ERI1: variants seen among roughly 807,000 people sequenced by gnomAD.
The protein encoded by ERI1 is 3'-5' exoribonuclease 1.
ERI1 carries 39 observed loss-of-function variants against 39.7 expected under a neutral mutation model. The ratio of observed to expected loss-of-function variants is 0.98; its 90% CI spans 0.76 to 1.28. The LOEUF (loss-of-function observed/expected upper bound fraction) is 1.28, where lower values mean the gene tolerates loss of function less well. ERI1 is among the 50% of genes most tolerant of loss of function. ERI1 has a pLI of 0.00. For synonymous variants in ERI1, 204 were observed against 149.6 expected (o/e 1.36, Z -2.65); for missense variants, 581 against 416.9 (o/e 1.39, Z -3.43).
chr8:9,069,180 C>G (rs569063165), intron 3 of ERI1, among the ~76,000 whole-genome samples: 1 of 152,260 alleles, frequency 6.6e-6, no homozygotes, highest in East Asian at 1.9e-4. Context: ...CATCTTGATC[C>G]ATATTCTCAG....
chr8:9,089,142 C>T (rs34762233), intron 3 of ERI1, among the ~76,000 whole-genome samples: 42,921 of 152,164 alleles, frequency 0.28, 6,572 homozygotes, highest in Non-Finnish European at 0.34. Flanking sequence ...CTTCACTCTC[C>T]TCTTTCCTTT....
rs568538162 is a variant in ERI1, at chr8:9,031,481, A to C, written c.*1447A>C. 2 of 152,328 alleles carry C rather than the reference A, an allele frequency of 1.3e-5. No homozygotes were observed. Among genetic ancestry groups the C allele is most frequent in the Non-Finnish European group, 2.9e-5 (2 of 68,024 alleles). 9.4% of individuals were successfully genotyped at this position (152,328 alleles called of 1,614,324 possible). A position where few individuals can be genotyped will look rare whatever the true frequency, so the allele number is the denominator to read the frequency against. On this transcript the variant is annotated 3_prime_UTR_variant, in exon 7 of 7. Transcript: ENST00000250263. The stretch of plus-strand genomic sequence containing the variant: ...AAAATAAGGAAATCTAAGTGCTTTA[A>C]GTTTATACAGTTAACTCTTAGGATA...
intron 3 of ERI1, among the ~76,000 whole-genome samples, chr8:9,080,337 A>C (rs1279995399): frequency 6.6e-6 from 1 of 152,166 alleles, no homozygotes; most frequent in Non-Finnish European, 1.5e-5. Context: ...AGTGTCTAGG[A>C]GCCTCTGTTG....
At chr8:9,039,087 A>G (rs1355422601) in intron 3 of ERI1, among the ~76,000 whole-genome samples, 1 of 152,242 alleles carries the variant, frequency 6.6e-6, no homozygotes, top group African/African-American at 2.4e-5. Context: ...ACTCGTTCTT[A>G]TATTTGGGGA....
intron 1 of ERI1, chr8:9,004,081 C>T (rs941603097): frequency 2.6e-5 from 34 of 1,289,150 alleles, no homozygotes; most frequent in Non-Finnish European, 3.4e-5. Context: ...CAGTGCCCCT[C>T]GCTGCCTTGT....
chr8:9,016,459 G>T (rs576466474), intron 4 of ERI1, 54 bp downstream of exon 4: 3 of 1,128,464 alleles, frequency 2.7e-6, no homozygotes, highest in African/African-American at 1.6e-5. Context: ...TGAAATTAGG[G>T]ATTTATTTTA....
intron 3 of ERI1, among the ~76,000 whole-genome samples, chr8:9,014,523 C>T (rs1283788525): frequency 2.6e-5 from 4 of 152,106 alleles, no homozygotes; most frequent in Non-Finnish European, 5.9e-5. Flanking sequence ...CCCTTACTAC[C>T]TTTTAACTTA....
At chr8:9,006,920 T>C (rs1037545495) in intron 1 of ERI1, among the ~76,000 whole-genome samples, 6 of 152,202 alleles carry the variant, frequency 3.9e-5, no homozygotes, top group African/African-American at 1.4e-4. Context: ...GACTGTGGCC[T>C]CTCTGTGATT....
At chr8:9,053,175 C>T (rs909982399) in intron 3 of ERI1, among the ~76,000 whole-genome samples, 12 of 152,148 alleles carry the variant, frequency 7.9e-5, no homozygotes, top group Non-Finnish European at 1.8e-4. Context: ...CACTACCACA[C>T]CTGGCTAATT....
At chr8:9,014,371 T>C (rs544600399) in intron 3 of ERI1, among the ~76,000 whole-genome samples, 1 of 152,336 alleles carries the variant, frequency 6.6e-6, no homozygotes, top group African/African-American at 2.4e-5. Flanking sequence ...TACTTGATTA[T>C]CCTATTTAAG....
intron 6 of ERI1, among the ~76,000 whole-genome samples, chr8:9,020,947 A>G (rs1817822612): frequency 6.6e-6 from 1 of 151,938 alleles, no homozygotes; most frequent in Non-Finnish European, 1.5e-5. Flanking sequence ...TCAAATATTT[A>G]CCTTTGTATT....
At chr8:9,029,747 G>T (rs1797452223) in intron 6 of ERI1, 45 bp from the exon 7 acceptor site, 3 of 1,609,836 alleles carry the variant, frequency 1.9e-6, no homozygotes, top group Non-Finnish European at 1.7e-6. Context: ...TTATATTACA[G>T]TTTAGAACAC....
intron 3 of ERI1, among the ~76,000 whole-genome samples, chr8:9,075,488 C>CTT (rs564946590): frequency 6.3e-5 from 9 of 142,412 alleles, no homozygotes; most frequent in African/African-American, 1.0e-4. Context: ...CTGAACATGC[C>CTT]TTTTTTTTTT....
chr8:9,065,655 A>G (rs1435146131), intron 3 of ERI1, among the ~76,000 whole-genome samples: 1 of 146,988 alleles, frequency 6.8e-6, no homozygotes, highest in Non-Finnish European at 1.5e-5. Flanking sequence ...AGATCGCAGC[A>G]CTGCACTCCA....
At chr8:9,042,063 A>T (rs1345496559) in intron 3 of ERI1, among the ~76,000 whole-genome samples, 1 of 152,176 alleles carries the variant, frequency 6.6e-6, no homozygotes, top group Non-Finnish European at 1.5e-5. Context: ...AACCTAACAG[A>T]GTACCTCAAG....
At chr8:9,088,168 C>T (rs190667941) in intron 3 of ERI1, among the ~76,000 whole-genome samples, 1 of 151,968 alleles carries the variant, frequency 6.6e-6, no homozygotes, top group Non-Finnish European at 1.5e-5. Context: ...GGCCTTCTAA[C>T]CCCGAAGAAA....
At chr8:9,079,400 A>G (rs1331236879) in intron 3 of ERI1, among the ~76,000 whole-genome samples, 1 of 152,246 alleles carries the variant, frequency 6.6e-6, no homozygotes, top group African/African-American at 2.4e-5. Context: ...GCATTGTTCT[A>G]AAGAAGAAAA....
intron 3 of ERI1, among the ~76,000 whole-genome samples, chr8:9,092,832 C>T (rs1233983242): frequency 6.6e-6 from 1 of 152,204 alleles, no homozygotes; most frequent in African/African-American, 2.4e-5. Context: ...ATTGTATTGG[C>T]TTACAGTTCT....
rs369381162 is a variant in ERI1, at chr8:9,012,304, T to A, written c.498+552T>A. Reference sequence around the variant, plus strand: ...ACCCTGGTTTCTAAGCCAAATAATATGTGTGCTTTAGATACTTGTCAGTGC... The same window carrying A: ...ACCCTGGTTTCTAAGCCAAATAATAAGTGTGCTTTAGATACTTGTCAGTGC... On this transcript the variant is annotated intron_variant, in intron 3 of 6. Transcript: ENST00000250263. Among the ~76,000 whole-genome samples the A allele has an allele frequency of 3.3e-5, 5 of 152,334 alleles. No individual in the cohort carries two copies. The South Asian group carries it at 1.0e-3, about 32-fold the overall frequency.
Sources: allele counts gnomAD v4.1 joint callset (sites outside exome capture counted in the v4.1 genomes callset), GRCh38; gene constraint gnomAD v4.1.1; transcripts MANE v1.5; gene names NCBI Gene and HGNC (gene_info 2026-07-23, HGNC 2026-07-21).